The following CAMK4 variants were observed in gnomAD, a reference collection of about 807,000 sequenced individuals.
CAMK4 encodes calcium/calmodulin dependent protein kinase IV.
CAMK4 carries 22 observed loss-of-function variants against 44.9 expected under a neutral mutation model. That is an observed-to-expected ratio of 0.49 (90% CI 0.35 to 0.70). The LOEUF is 0.70. Ranked by LOEUF, CAMK4 falls within the 30% of genes least tolerant of loss-of-function variation. The pLI, the probability that CAMK4 is intolerant of heterozygous loss-of-function variation, is 0.01. For synonymous variants in CAMK4, 218 were observed against 215.4 expected, an observed-to-expected ratio of 1.01 and a Z score of -0.11; for missense variants, 498 against 586.8, an observed-to-expected ratio of 0.85 and a Z score of 1.56.
At chr5:111,372,750 G>A (rs532523065) in intron 2 of CAMK4, among the ~76,000 whole-genome samples, 11 of 152,256 alleles carry the variant, frequency 7.2e-5, no homozygotes, top group Admixed American at 2.6e-4. Flanking sequence ...TTTAGTGTCC[G>A]TGGAAGACTG....
At chr5:111,377,964 G>C (rs1023919216) in intron 4 of CAMK4, among the ~76,000 whole-genome samples, 1 of 151,948 alleles carries the variant, frequency 6.6e-6, no homozygotes, top group Non-Finnish European at 1.5e-5. Flanking sequence ...TATCTAAAGG[G>C]GATTAGTTTT....
At chr5:111,320,417 G>A (rs1748611880) in intron 1 of CAMK4, among the ~76,000 whole-genome samples, 2 of 152,186 alleles carry the variant, frequency 1.3e-5, no homozygotes, top group African/African-American at 4.8e-5. Context: ...GGAAATGATA[G>A]AAACAGAAAT....
intron 1 of CAMK4, among the ~76,000 whole-genome samples, chr5:111,325,184 C>G (rs555257180): frequency 6.6e-6 from 1 of 151,770 alleles, no homozygotes; most frequent in African/African-American, 2.4e-5. Flanking sequence ...TGAAGTCATC[C>G]TTTTTTATGA....
At chr5:111,415,840 A>AAAATAAATAACAAAATAAC (rs1333603535) in intron 5 of CAMK4, among the ~76,000 whole-genome samples, 6 of 152,174 alleles carry the variant, frequency 3.9e-5, no homozygotes, top group African/African-American at 1.4e-4. Context: ...AAAGAATAAC[A>AAAATAAATAACAAAATAAC]AAATAAATAA....
At chr5:111,228,509 G>GGGGTGTGTGTGTGTGT (rs1554053042) in intron 1 of CAMK4, among the ~76,000 whole-genome samples, 4 of 145,354 alleles carry the variant, frequency 2.8e-5, no homozygotes, top group African/African-American at 1.0e-4. Context: ...CATAGTAAGG[G>GGGGTGTGTGTGTGTGT]GTGTGTGTGT....
At chr5:111,291,677 A>G (rs1278696330) in intron 1 of CAMK4, among the ~76,000 whole-genome samples, 4 of 151,988 alleles carry the variant, frequency 2.6e-5, no homozygotes, top group Admixed American at 2.6e-4. Context: ...TACCCAGCTA[A>G]TTTTTAATTT....
At chr5:111,432,387 G>A (rs1393040891) in intron 5 of CAMK4, among the ~76,000 whole-genome samples, 1 of 151,974 alleles carries the variant, frequency 6.6e-6, no homozygotes, top group African/African-American at 2.4e-5. Context: ...GGAAGGTAGG[G>A]ATGGTTAATG....
At chr5:111,428,268 A>T (rs1753303734) in intron 5 of CAMK4, among the ~76,000 whole-genome samples, 1 of 152,256 alleles carries the variant, frequency 6.6e-6, no homozygotes, top group Non-Finnish European at 1.5e-5. Context: ...GAACAGCTAC[A>T]AATAAGTCCA....
chr5:111,273,218 C>A (rs1325979770), intron 1 of CAMK4, among the ~76,000 whole-genome samples: 5 of 151,984 alleles, frequency 3.3e-5, no homozygotes. Flanking sequence ...AATGGCCCAG[C>A]CACAAACATT....
rs1193822163 is a variant in CAMK4 at position 111,493,234 on chromosome 5, C to A, written c.*8768C>A. On this transcript the variant is annotated 3_prime_UTR_variant, in exon 11 of 11. Coordinates refer to ENST00000282356, the MANE Select transcript of CAMK4 (RefSeq NM_001744.6). This position sits in a 1 kb window ranked among gnomAD's most constrained non-coding sequence, Gnocchi z 4.1. ...TTGGCTCATCTGCTGTGCTTCTAAGCCAAATAAAAATCATCAAACACATCG... is the reference window on the plus strand; with the variant it reads ...TTGGCTCATCTGCTGTGCTTCTAAGACAAATAAAAATCATCAAACACATCG... 1 of 152,098 alleles carries A rather than the reference C, an allele frequency of 6.6e-6. No individual in the cohort carries two copies. The highest frequency in any genetic ancestry group is 1.5e-5 in the Non-Finnish European group (1 of 68,042). The allele number at this position is 152,098 out of a possible 1,614,324, so 9.4% of individuals were successfully genotyped here. A position where few individuals can be genotyped will look rare whatever the true frequency, so the allele number is the denominator to read the frequency against.
chr5:111,476,117 T>C (rs1252413076), intron 8 of CAMK4, among the ~76,000 whole-genome samples: 2 of 143,230 alleles, frequency 1.4e-5, no homozygotes. Context: ...TCTGGGGCTG[T>C]TTTTTTTTAA....
In CAMK4 at chr5:111,484,302, G is replaced by A. The variant is rs1475361239; in HGVS notation, c.1258G>A (p.Ala420Thr). ...AEEAPKMVPK[A>T]VEDGIKVADL... ...AGAGGCCCCCAAAATGGTGCCCAAG[G>A]CAGTGGAGGATGGGATAAAGGTGGC... is the stretch of plus-strand genomic sequence containing the variant. The change falls in exon 11 of 11, where the codon GCA (alanine) becomes ACA (threonine). Residue 420 changes from alanine (A) to threonine (T), a missense_variant. Physicochemically the swap from Ala to Thr is moderately conservative, Grantham distance 58. This residue lies in a region of CAMK4 where 143 missense variants were observed against 144.9 expected (regional missense o/e 0.99). Transcript: ENST00000282356. The surrounding 1 kb of genome is among the most constrained non-coding windows in gnomAD (Gnocchi z 5.3). 3 of 1,614,078 alleles carry A rather than the reference G, an allele frequency of 1.9e-6. No homozygotes were observed. The South Asian group carries it at 3.3e-5, about 18-fold the overall frequency.
intron 1 of CAMK4, among the ~76,000 whole-genome samples, chr5:111,247,564 A>T (rs945732869): frequency 3.3e-5 from 5 of 151,588 alleles, no homozygotes; most frequent in African/African-American, 9.7e-5. Context: ...AGGAATTGGG[A>T]AGGCTAGCAA....
intron 8 of CAMK4, among the ~76,000 whole-genome samples, chr5:111,476,399 C>T (rs1034543735): frequency 6.6e-6 from 1 of 151,870 alleles, no homozygotes; most frequent in African/African-American, 2.4e-5. Flanking sequence ...TGCTCCAGCC[C>T]CCCGAGTACC....
In CAMK4 at chr5:111,224,565, C is replaced by A. The variant is rs1748079517; in HGVS notation, c.82C>A (p.Leu28Ile). 5.0e-6 allele frequency: 8 copies of A among 1,612,476 alleles called. No individual in the cohort carries two copies. The highest frequency in any genetic ancestry group is 5.1e-6 in the Non-Finnish European group (6 of 1,179,678). ...CAGTGCGGCCCCGGGGACCGCGAGC[C>A]TCGTCCCGGATTACTGGATCGACGG... ...TASAAPGTASLVPDYWIDGSN... is the reference protein window; with the variant it reads ...TASAAPGTASIVPDYWIDGSN... The change falls in exon 1 of 11, where the codon CTC (leucine) becomes ATC (isoleucine). Residue 28 changes from leucine to isoleucine, a missense_variant. Leu to Ile is a conservative substitution (Grantham distance 5, BLOSUM62 2). Transcript: ENST00000282356. This position sits in a 1 kb window ranked among gnomAD's most constrained non-coding sequence, Gnocchi z 5.7.
intron 1 of CAMK4, among the ~76,000 whole-genome samples, chr5:111,328,316 G>A (rs1387817999): frequency 6.6e-6 from 1 of 151,664 alleles, no homozygotes; most frequent in East Asian, 1.9e-4. Flanking sequence ...AGATCAGATA[G>A]TTGTAGATAT....
intron 1 of CAMK4, among the ~76,000 whole-genome samples, chr5:111,233,842 A>G (rs1052719523): frequency 6.6e-6 from 1 of 152,176 alleles, no homozygotes; most frequent in Non-Finnish European, 1.5e-5. Flanking sequence ...TATATATTGA[A>G]TAGAGTTAAA....
intron 4 of CAMK4, among the ~76,000 whole-genome samples, chr5:111,393,325 T>A (rs528488755): frequency 6.6e-6 from 1 of 152,292 alleles, no homozygotes; most frequent in Admixed American, 6.5e-5. Flanking sequence ...AAGACCCTAA[T>A]GCTATCCATT....
rs1193524886 is a variant in CAMK4 at position 111,489,765 on chromosome 5, T to G, written c.*5299T>G. On this transcript the variant is annotated 3_prime_UTR_variant, in exon 11 of 11. Transcript: ENST00000282356. ...GATTGAAAGTGATACAATTTGAATATTGGTATATTGTCATTGGTCAGTAAT... is the reference window on the plus strand; with the variant it reads ...GATTGAAAGTGATACAATTTGAATAGTGGTATATTGTCATTGGTCAGTAAT... The G allele has an allele frequency of 6.6e-6, 1 of 152,224 alleles. No individual in the cohort carries two copies. The highest frequency in any genetic ancestry group is 2.4e-5 in the African/African-American group (1 of 41,454). The allele number at this position is 152,224 out of a possible 1,614,324, so 9.4% of individuals were successfully genotyped here.
Sources: gnomAD v4.1 joint callset for allele counts (sites outside exome capture counted in the v4.1 genomes callset) on GRCh38, gnomAD v4.1.1 for gene constraint, gnomAD v4.1.1 regional missense constraint, Gnocchi (gnomAD v3.1) non-coding constraint, MANE v1.5 for transcripts, NCBI Gene and HGNC (gene_info 2026-07-23, HGNC 2026-07-21) for gene names.